The following NFATC2 variants were observed in gnomAD, a reference collection of about 807,000 sequenced individuals.
NFATC2 encodes the protein nuclear factor of activated T-cells, cytoplasmic 2.
Under a neutral mutation model 87.3 loss-of-function variants are expected in NFATC2, and 22 were observed. That is an observed-to-expected ratio of 0.25 (90% confidence interval 0.18 to 0.36). The LOEUF is 0.36. Ranked by LOEUF, NFATC2 falls within the 10% of genes least tolerant of loss-of-function variation. NFATC2 has a pLI of 1.00. For missense variants in NFATC2, 1,149 were observed against 1,259.1 expected, an observed-to-expected ratio of 0.91 and a Z score of 1.32; for synonymous variants, 565 against 542.2, an observed-to-expected ratio of 1.04 and a Z score of -0.58.
intron 6 of NFATC2, among the ~76,000 whole-genome samples, chr20:51,446,356 C>T (rs753286488): frequency 6.6e-6 from 1 of 152,206 alleles, no homozygotes; most frequent in African/African-American, 2.4e-5. Flanking sequence ...GTGCCTGATA[C>T]TTTCAGTTCC....
Position 51,387,460 on chromosome 20 carries a change from T to G in NFATC2, c.*4036A>C, listed in dbSNP as rs1985884720. Reference sequence around the variant, plus strand: ...ACCCTGATGGCTCAGGGAGCAACTCTCTGTTATCAACCACCAGAAAAGTTT... The same window carrying G: ...ACCCTGATGGCTCAGGGAGCAACTCGCTGTTATCAACCACCAGAAAAGTTT... On this transcript the variant is annotated 3_prime_UTR_variant, in exon 11 of 11. Coordinates refer to ENST00000371564, the MANE Select transcript of NFATC2 (RefSeq NM_012340.5). 1 of 152,188 alleles carries G rather than the reference T, an allele frequency of 6.6e-6. No individual in the cohort carries two copies. The highest frequency in any genetic ancestry group is 2.4e-5 in the African/African-American group (1 of 41,442). The allele number at this position is 152,188 out of a possible 1,614,324, so 9.4% of individuals were successfully genotyped here.
chr20:51,501,658 C>T (rs923095585), intron 3 of NFATC2, among the ~76,000 whole-genome samples: 1 of 152,170 alleles, frequency 6.6e-6, no homozygotes, highest in South Asian at 2.1e-4. Flanking sequence ...ACTTTCCATC[C>T]CCCATTCCTG....
At chr20:51,415,083 TC>T (rs752134104) in intron 9 of NFATC2, among the ~76,000 whole-genome samples, 87 of 151,612 alleles carry the variant, frequency 5.7e-4, no homozygotes, top group African/African-American at 8.2e-4. Flanking sequence ...AGACCCCATC[TC>T]TACAAAAAAT....
At chr20:51,479,053 G>A (rs117843098) in intron 3 of NFATC2, among the ~76,000 whole-genome samples, 2,724 of 152,244 alleles carry the variant, frequency 0.018, 39 homozygotes, top group Non-Finnish European at 0.027. Flanking sequence ...TGGTATGTAC[G>A]TTTCCAGCCG....
chr20:51,530,194 G>A (rs1449129885), intron 1 of NFATC2, among the ~76,000 whole-genome samples: 7 of 151,828 alleles, frequency 4.6e-5, no homozygotes, highest in African/African-American at 1.5e-4. Flanking sequence ...TTGAGACAGA[G>A]TCTTGCTCTG....
At chr20:51,541,421 G>A (rs2076814578) in intron 1 of NFATC2, among the ~76,000 whole-genome samples, 1 of 152,186 alleles carries the variant, frequency 6.6e-6, no homozygotes, top group Non-Finnish European at 1.5e-5. Context: ...TACACAGTGA[G>A]GTTGGGCGTG....
At position 51,523,468 on chromosome 20, in the gene NFATC2, T is replaced by G; in HGVS notation, c.773A>C (p.Glu258Ala). 1 of 1,610,562 alleles carries G rather than the reference T, an allele frequency of 6.2e-7. No individual in the cohort carries two copies. Reference sequence around the variant, plus strand: ...TCCGGGCGGCAGGGCAACCAAGGCCTCGGCGCACGAATGCCTCCGCTTGGC... The same window carrying G: ...TCCGGGCGGCAGGGCAACCAAGGCCGCGGCGCACGAATGCCTCCGCTTGGC... ...PGAKRRHSCA[E>A]ALVALPPGAS... Residue 258 changes from glutamate (E) to alanine (A), a missense_variant, in exon 2 of 11, where the codon GAG becomes GCG. Physicochemically the swap from Glu to Ala is moderately radical, Grantham distance 107. Coordinates refer to ENST00000371564, the MANE Select transcript of NFATC2 (RefSeq NM_012340.5). The surrounding 1 kb of genome is among the most constrained non-coding windows in gnomAD (Gnocchi z 6.9).
chr20:51,435,694 T>TCA lies in NFATC2; in HGVS notation c.1905+10_1905+11dup, dbSNP rs752199957. Reference sequence around the variant, plus strand: ...GGGGATTGAGAGACACTCAGGTGCGTCACGTGCTTACGGGCTGGCTCTTGT... The same window carrying TCA: ...GGGGATTGAGAGACACTCAGGTGCGTCACACGTGCTTACGGGCTGGCTCTTGT... On this transcript the variant is annotated intron_variant, in intron 7 of 10. Coordinates refer to ENST00000371564, the MANE Select transcript of NFATC2 (RefSeq NM_012340.5). The TCA allele has an allele frequency of 7.0e-5, 113 of 1,607,658 alleles. No individual in the cohort carries two copies. Among genetic ancestry groups the TCA allele is most frequent in the Non-Finnish European group, 8.8e-5 (103 of 1,176,862 alleles).
chr20:51,415,663 G>A (rs1041720017), intron 9 of NFATC2, among the ~76,000 whole-genome samples: 55 of 152,206 alleles, frequency 3.6e-4, no homozygotes, highest in Admixed American at 3.3e-4. Context: ...TGGATTAAAA[G>A]ATGTGTGCAT....
chr20:51,420,844 T>C (rs1980785241), intron 9 of NFATC2, among the ~76,000 whole-genome samples: 1 of 152,176 alleles, frequency 6.6e-6, no homozygotes, highest in South Asian at 2.1e-4. Context: ...GAGTCCTTTT[T>C]TTAGAGATAC....
chr20:51,433,091 C>G (rs969197262), intron 8 of NFATC2, among the ~76,000 whole-genome samples: 1 of 152,128 alleles, frequency 6.6e-6, no homozygotes, highest in East Asian at 1.9e-4. Context: ...ATGCCTCCCC[C>G]TCTTTCTATC....
chr20:51,536,709 C>G (rs1379571556), intron 1 of NFATC2, among the ~76,000 whole-genome samples: 2 of 152,160 alleles, frequency 1.3e-5, no homozygotes, highest in Admixed American at 6.5e-5. Context: ...TCCTCTGCCT[C>G]CCTGCAAGGC....
intron 1 of NFATC2, among the ~76,000 whole-genome samples, chr20:51,553,277 C>T (rs6091338): frequency 6.6e-6 from 1 of 152,192 alleles, no homozygotes; most frequent in Non-Finnish European, 1.5e-5. Context: ...GTCTTGATTC[C>T]TTCCACCTGG....
At chr20:51,491,861 AACACACACATACACAT>A (rs2075891632) in intron 3 of NFATC2, among the ~76,000 whole-genome samples, 8 of 64,954 alleles carry the variant, frequency 1.2e-4, no homozygotes, top group African/African-American at 4.5e-4. Flanking sequence ...CACCCCCACC[AACACACACATACACAT>A]ACACACACAC....
intron 9 of NFATC2, among the ~76,000 whole-genome samples, chr20:51,414,923 A>G (rs1447452938): frequency 6.6e-6 from 1 of 151,946 alleles, no homozygotes; most frequent in East Asian, 1.9e-4. Flanking sequence ...GGTCATTTCT[A>G]GGACCTGAAA....
chr20:51,407,853 A>G lies in NFATC2; in HGVS notation c.2723-9123T>C, dbSNP rs557828457. 1.1e-4 allele frequency among the ~76,000 whole-genome samples: 17 copies of G among 152,384 alleles called. No individual in the cohort carries two copies. The South Asian group carries it at 1.2e-3, about 11-fold the overall frequency. ...GGAGAAATTGTTTCTTCGTTTGTGA[A>G]TATCTCCATCCTGAGCTTATTTCAT... On this transcript the variant is annotated intron_variant, in intron 9 of 10. Transcript: ENST00000371564.
At chr20:51,454,874 T>G (rs538644280) in intron 5 of NFATC2, among the ~76,000 whole-genome samples, 186 bp from the exon 6 acceptor site, 2 of 152,234 alleles carry the variant, frequency 1.3e-5, no homozygotes, top group Non-Finnish European at 2.9e-5. Flanking sequence ...GTGAAAGTGC[T>G]CTAAGTCATT....
chr20:51,523,607 A>G lies in NFATC2; in HGVS notation c.634T>C (p.Tyr212His). The part of the protein sequence containing the change: ...CPQFQNIPAH[Y>H]SPRTSPIMSP... ...ATTATTGGCGAGGTTCTGGGGGAAT[A>G]ATGAGCAGGGATGTTTTGAAACTGC... The change falls in exon 2 of 11, where the codon TAT becomes CAT. Residue 212 changes from tyrosine (Y) to histidine (H), a missense_variant. Physicochemically the swap from Tyr to His is moderately conservative, Grantham distance 83. Coordinates refer to ENST00000371564, the MANE Select transcript of NFATC2 (RefSeq NM_012340.5). The surrounding 1 kb of genome is among the most constrained non-coding windows in gnomAD (Gnocchi z 6.9). 6.2e-7 allele frequency: 1 copy of G among 1,613,814 alleles called. No homozygotes were observed. The highest frequency in any genetic ancestry group is 8.5e-7 in the Non-Finnish European group (1 of 1,179,824).
At chr20:51,407,402 G>A (rs1978496484) in intron 9 of NFATC2, among the ~76,000 whole-genome samples, 1 of 152,228 alleles carries the variant, frequency 6.6e-6, no homozygotes, top group South Asian at 2.1e-4. Flanking sequence ...CCCCAGCAGT[G>A]AGCAATAAAC....
Sources: allele counts gnomAD v4.1 joint callset (sites outside exome capture counted in the v4.1 genomes callset), GRCh38; gene constraint gnomAD v4.1.1; non-coding constraint Gnocchi (gnomAD v3.1); transcripts MANE v1.5; gene names NCBI Gene and HGNC (gene_info 2026-07-23, HGNC 2026-07-21).